The following FAM120A variants were observed in gnomAD, a reference collection of about 807,000 sequenced individuals.
FAM120A encodes the protein family with sequence similarity 120 member A.
In FAM120A, 15 loss-of-function variants were observed where a neutral mutation model predicts 109.7. The observed-to-expected ratio is 0.14, with a 90% CI of 0.09 to 0.21. FAM120A has a LOEUF of 0.21. Among genes scored for constraint, FAM120A ranks in the 10% least tolerant of loss-of-function variants. The probability of loss-of-function intolerance (pLI) is 1.00; values close to 1 mark genes in which losing one functional copy is unlikely to be tolerated. For synonymous variants in FAM120A, 493 were observed against 572.8 expected (o/e 0.86, Z 1.99); for missense variants, 899 against 1,439.3 (o/e 0.62, Z 6.07).
At chr9:93,513,235 C>G (rs139068273) in intron 5 of FAM120A, among the ~76,000 whole-genome samples, 1 of 152,346 alleles carries the variant, frequency 6.6e-6, no homozygotes, top group Admixed American at 6.5e-5. Flanking sequence ...ATAATAGCGA[C>G]TTTGATCGCA....
Position 93,527,614 on chromosome 9 carries a change from ATTTTTTT to A in FAM120A, c.1506+392_1506+398del, listed in dbSNP as rs67894788. 3.9e-3 allele frequency among the ~76,000 whole-genome samples: 316 copies of A among 80,692 alleles called. 1 individual carries two copies. The highest frequency in any genetic ancestry group is 0.011 in the African/African-American group (269 of 23,620). 52.9% of individuals were successfully genotyped at this position (80,692 alleles called of 152,430 possible). On this transcript the variant is annotated intron_variant, in intron 8 of 17. Coordinates refer to ENST00000277165, the MANE Select transcript of FAM120A (RefSeq NM_014612.5). ...CTTTTTAAAAAAATTTTTGTATTTA[ATTTTTTT>A]TTTTTTTTTTTTTTTTTTTGAGATG...
intron 7 of FAM120A, among the ~76,000 whole-genome samples, chr9:93,516,979 A>C (rs369061219): frequency 4.5e-4 from 69 of 152,176 alleles, no homozygotes; most frequent in Admixed American, 2.6e-4. Flanking sequence ...TGTGAACTCT[A>C]CTTTACAGCG....
chr9:93,553,301 A>G (rs747601303), intron 12 of FAM120A, among the ~76,000 whole-genome samples: 2 of 152,224 alleles, frequency 1.3e-5, no homozygotes, highest in Non-Finnish European at 2.9e-5. Flanking sequence ...CCTTGCCTTG[A>G]CATTCCTATA....
chr9:93,529,708 CT>C (rs1279806594), intron 9 of FAM120A, 128 bp downstream of exon 9: 2 of 776,518 alleles, frequency 2.6e-6, no homozygotes, highest in Non-Finnish European at 2.2e-6. Context: ...ACAAAGTTCA[CT>C]TTCCCCTTTC....
chr9:93,545,615 G>T (rs1391830684), intron 11 of FAM120A, among the ~76,000 whole-genome samples: 1 of 152,120 alleles, frequency 6.6e-6, no homozygotes, highest in Non-Finnish European at 1.5e-5. Context: ...GGAAGGGAGG[G>T]ACAGAGCTTA....
rs1054179410 is a variant in FAM120A, at chr9:93,565,661, T to C, written c.*1121T>C. ...TGTTTTATGCCTTCATATTAGCAAA[T>C]ATGAAATTCTGTGAAAAAAAACCCT... is the stretch of plus-strand genomic sequence containing the variant. On this transcript the variant is annotated 3_prime_UTR_variant, in exon 18 of 18. Transcript: ENST00000277165. 1 of 149,882 alleles carries C rather than the reference T, an allele frequency of 6.7e-6. No individual in the cohort carries two copies. The highest frequency in any genetic ancestry group is 2.5e-5 in the African/African-American group (1 of 40,460). 9.3% of individuals were successfully genotyped at this position (149,882 alleles called of 1,614,324 possible).
intron 10 of FAM120A, among the ~76,000 whole-genome samples, chr9:93,542,522 ATTG>A (rs1180833100): frequency 6.6e-6 from 1 of 152,214 alleles, no homozygotes; most frequent in Non-Finnish European, 1.5e-5. Flanking sequence ...GATAAAAGGT[ATTG>A]TTTCCATGTT....
At chr9:93,558,807 A>C in intron 15 of FAM120A, 89 bp downstream of exon 15, 3 of 1,454,924 alleles carry the variant, frequency 2.1e-6, no homozygotes, top group Non-Finnish European at 2.8e-6. Context: ...TACTGTCCTC[A>C]TGAGCCCCTC....
chr9:93,502,742 G>A (rs186291024), intron 5 of FAM120A, among the ~76,000 whole-genome samples: 7 of 152,308 alleles, frequency 4.6e-5, no homozygotes, highest in African/African-American at 1.7e-4. Context: ...AAATGGTTGT[G>A]ATTTGTTCTT....
At chr9:93,490,668 A>G (rs919460144) in intron 3 of FAM120A, among the ~76,000 whole-genome samples, 9 of 152,364 alleles carry the variant, frequency 5.9e-5, no homozygotes, top group East Asian at 5.8e-4. Flanking sequence ...ATTAGAAAAC[A>G]GTGAATAAAT....
chr9:93,550,430 TAGA>T, intron 11 of FAM120A, 144 bp from the exon 12 acceptor site: 1 of 609,644 alleles, frequency 1.6e-6, no homozygotes, highest in Non-Finnish European at 3.0e-6. Context: ...CAAATGAAAG[TAGA>T]AAAGTAGAAA....
chr9:93,563,866 C>T (rs1239311144), intron 17 of FAM120A, among the ~76,000 whole-genome samples: 1 of 152,112 alleles, frequency 6.6e-6, no homozygotes, highest in Non-Finnish European at 1.5e-5. Context: ...TGTGGGAGAC[C>T]CTGTTTGTTT....
chr9:93,458,105 A>G (rs1374268783), intron 1 of FAM120A, among the ~76,000 whole-genome samples: 2 of 152,006 alleles, frequency 1.3e-5, no homozygotes, highest in Non-Finnish European at 2.9e-5. Context: ...ACATTCTTAT[A>G]TATTATTTAT....
intron 3 of FAM120A, among the ~76,000 whole-genome samples, chr9:93,488,541 A>T (rs1859170351): frequency 6.6e-6 from 1 of 151,788 alleles, no homozygotes; most frequent in Admixed American, 6.6e-5. Flanking sequence ...CATGAAATAT[A>T]TTTCTCCAGA....
intron 3 of FAM120A, among the ~76,000 whole-genome samples, chr9:93,477,396 G>A (rs191285261): frequency 4.5e-4 from 68 of 152,256 alleles, no homozygotes; most frequent in African/African-American, 1.6e-3. Flanking sequence ...TCACCCTAAT[G>A]GGGTTTGGTA....
At chr9:93,512,514 G>C (rs1048068596) in intron 5 of FAM120A, among the ~76,000 whole-genome samples, 2 of 150,778 alleles carry the variant, frequency 1.3e-5, no homozygotes, top group African/African-American at 4.9e-5. Flanking sequence ...TTCTTCTTTT[G>C]CTTCTTGTCT....
chr9:93,474,006 A>T (rs1858432801), intron 2 of FAM120A, among the ~76,000 whole-genome samples: 1 of 152,240 alleles, frequency 6.6e-6, no homozygotes, highest in Non-Finnish European at 1.5e-5. Flanking sequence ...TGTTTAAGAA[A>T]CATTGAATAT....
intron 5 of FAM120A, among the ~76,000 whole-genome samples, chr9:93,504,284 C>T (rs1859936095): frequency 6.6e-6 from 1 of 152,124 alleles, no homozygotes; most frequent in Non-Finnish European, 1.5e-5. Context: ...AGTTGCCAGG[C>T]ACCACCTTGG....
chr9:93,534,412 G>T (rs765575830), intron 10 of FAM120A, among the ~76,000 whole-genome samples: 6 of 152,134 alleles, frequency 3.9e-5, no homozygotes, highest in Admixed American at 6.5e-5. Context: ...TCCAAAGGAA[G>T]AAAAGACAAG....
Sources: gnomAD v4.1 joint callset for allele counts (sites outside exome capture counted in the v4.1 genomes callset) on GRCh38, gnomAD v4.1.1 for gene constraint, MANE v1.5 for transcripts, NCBI Gene and HGNC (gene_info 2026-07-23, HGNC 2026-07-21) for gene names.